Variants in SCHIP1 observed in about 807,000 individuals in gnomAD.
The protein encoded by SCHIP1 is schwannomin-interacting protein 1.
Under a neutral mutation model 29.7 loss-of-function variants are expected in SCHIP1, and 8 were observed. The observed-to-expected ratio is 0.27, with a 90% CI of 0.16 to 0.49. The LOEUF is 0.49. SCHIP1 is among the 20% of genes least tolerant of loss of function. SCHIP1 has a pLI of 0.99. For missense variants in SCHIP1, 193 were observed against 294.6 expected (o/e 0.66, Z 2.52); for synonymous variants, 76 against 94.9 (o/e 0.80, Z 1.16).
the SCHIP1 span, among the ~76,000 whole-genome samples, chr3:159,515,390 T>C: frequency 6.6e-6 from 1 of 152,214 alleles, no homozygotes; most frequent in Non-Finnish European, 1.5e-5. Context: ...ATGTGCTGTA[T>C]TTTTGGGTCT....
chr3:159,749,138 G>C, the SCHIP1 span, among the ~76,000 whole-genome samples: 2 of 152,018 alleles, frequency 1.3e-5, no homozygotes, highest in Non-Finnish European at 2.9e-5. Flanking sequence ...AGCCGGGTGT[G>C]GTGGTGCACT....
At chr3:159,493,966 C>A in the SCHIP1 span, among the ~76,000 whole-genome samples, 2 of 152,080 alleles carry the variant, frequency 1.3e-5, no homozygotes, top group Non-Finnish European at 2.9e-5. Flanking sequence ...AACCGCTCAA[C>A]TACATGGAAA....
At chr3:159,693,264 A>T in the SCHIP1 span, among the ~76,000 whole-genome samples, 2 of 152,190 alleles carry the variant, frequency 1.3e-5, no homozygotes, top group Non-Finnish European at 2.9e-5. Context: ...TTTTAGTTTC[A>T]TTGATGCAGA....
chr3:159,828,453 G>T, the SCHIP1 span, among the ~76,000 whole-genome samples: 1 of 100,654 alleles, frequency 9.9e-6, no homozygotes, highest in African/African-American at 4.1e-5. Context: ...ATATATATAC[G>T]TATATATATG....
the SCHIP1 span, among the ~76,000 whole-genome samples, chr3:159,555,206 A>G: frequency 6.6e-6 from 1 of 152,168 alleles, no homozygotes; most frequent in Non-Finnish European, 1.5e-5. Context: ...AAAAGATACA[A>G]GGAGGATCCA....
the SCHIP1 span, among the ~76,000 whole-genome samples, chr3:159,340,414 A>G: frequency 6.6e-6 from 1 of 152,090 alleles, no homozygotes; most frequent in African/African-American, 2.4e-5. Context: ...AATTTTATAT[A>G]CTACATATAA....
At chr3:159,321,769 A>C in the SCHIP1 span, among the ~76,000 whole-genome samples, 1 of 152,102 alleles carries the variant, frequency 6.6e-6, no homozygotes, top group South Asian at 2.1e-4. Flanking sequence ...TAAAGTCATC[A>C]CCTACGCAGG....
the SCHIP1 span, among the ~76,000 whole-genome samples, chr3:159,335,450 T>C: frequency 6.6e-6 from 1 of 152,150 alleles, no homozygotes; most frequent in African/African-American, 2.4e-5. Context: ...CATTAACTCG[T>C]CATTTAACAT....
chr3:159,855,923 C>CT (rs1294123077), intron 1 of SCHIP1, among the ~76,000 whole-genome samples: 1 of 152,152 alleles, frequency 6.6e-6, no homozygotes, highest in African/African-American at 2.4e-5. Flanking sequence ...TGCTTCTGTT[C>CT]TTTTTCCGTG....
At chr3:159,743,176 G>A in the SCHIP1 span, among the ~76,000 whole-genome samples, 1 of 152,120 alleles carries the variant, frequency 6.6e-6, no homozygotes, top group East Asian at 1.9e-4. Context: ...TTCCCTAAAG[G>A]GTAGTTGCTC....
chr3:159,405,786 G>C, the SCHIP1 span, among the ~76,000 whole-genome samples: 1 of 151,140 alleles, frequency 6.6e-6, no homozygotes, highest in African/African-American at 2.4e-5. Context: ...AGGAGGCTGA[G>C]CCAGGAGAAT....
chr3:159,429,011 A>C, the SCHIP1 span, among the ~76,000 whole-genome samples: 1 of 139,140 alleles, frequency 7.2e-6, no homozygotes, highest in Admixed American at 7.2e-5. Flanking sequence ...ACACATGGAC[A>C]CAGGAAGGGG....
the SCHIP1 span, among the ~76,000 whole-genome samples, chr3:159,791,071 A>G: frequency 3.9e-5 from 6 of 152,164 alleles, no homozygotes; most frequent in Non-Finnish European, 8.8e-5. Flanking sequence ...CTTATGAAAC[A>G]CAATTGAATA....
chr3:159,315,680 T>C, the SCHIP1 span, among the ~76,000 whole-genome samples: 5 of 152,012 alleles, frequency 3.3e-5, no homozygotes, highest in Admixed American at 2.6e-4. Context: ...CAAACTTAAG[T>C]AGAAGGTAAG....
chr3:159,795,809 TGG>T, the SCHIP1 span, among the ~76,000 whole-genome samples: 62 of 152,174 alleles, frequency 4.1e-4, no homozygotes, highest in African/African-American at 1.5e-3. Context: ...CAGTTTGCTC[TGG>T]GGACCATATG....
chr3:159,317,781 C>A, the SCHIP1 span, among the ~76,000 whole-genome samples: 13 of 152,164 alleles, frequency 8.5e-5, no homozygotes, highest in African/African-American at 2.4e-4. Flanking sequence ...TGACAGTGGA[C>A]AAGATATTCT....
intron 2 of SCHIP1, among the ~76,000 whole-genome samples, chr3:159,873,013 T>G (rs1715435771): frequency 6.6e-6 from 1 of 152,210 alleles, no homozygotes; most frequent in South Asian, 2.1e-4. Flanking sequence ...GAAAAACCAT[T>G]AGGTAACTTA....
At chr3:159,632,240 T>C in the SCHIP1 span, among the ~76,000 whole-genome samples, 1 of 152,314 alleles carries the variant, frequency 6.6e-6, no homozygotes, top group South Asian at 2.1e-4. Context: ...GTGAGCCTTC[T>C]GCAAAGCTTT....
chr3:159,689,357 C>G, the SCHIP1 span, among the ~76,000 whole-genome samples: 1 of 152,160 alleles, frequency 6.6e-6, no homozygotes, highest in East Asian at 1.9e-4. Flanking sequence ...CTCTTTGTAG[C>G]TAGTGTGAAT....
Sources: gnomAD v4.1 joint callset for allele counts (sites outside exome capture counted in the v4.1 genomes callset) on GRCh38, gnomAD v4.1.1 for gene constraint, MANE v1.5 for transcripts, NCBI Gene and HGNC (gene_info 2026-07-23, HGNC 2026-07-21) for gene names.